Variants in ST18 observed in about 807,000 individuals in gnomAD.
The protein encoded by ST18 is ST18 C2H2C-type zinc finger transcription factor.
In ST18, 50 loss-of-function variants were observed where a neutral mutation model predicts 110.0. The observed-to-expected ratio is 0.45, with a 90% CI of 0.36 to 0.58. The LOEUF (loss-of-function observed/expected upper bound fraction) is 0.58. Among genes scored for constraint, ST18 ranks in the 20% least tolerant of loss-of-function variants. The probability of loss-of-function intolerance (pLI) is 0.00; values close to 1 mark genes in which losing one functional copy is unlikely to be tolerated. For missense variants in ST18, 1,306 were observed against 1,280.1 expected (o/e 1.02, Z -0.31); for synonymous variants, 461 against 452.4 (o/e 1.02, Z -0.24).
intron 2 of ST18, among the ~76,000 whole-genome samples, chr8:52,271,092 G>T (rs2138896662): frequency 6.6e-6 from 1 of 152,138 alleles, no homozygotes; most frequent in African/African-American, 2.4e-5. Flanking sequence ...TAGAGATGGG[G>T]TTTCACTGTG....
At chr8:52,123,656 C>A (rs2045888167) in intron 23 of ST18, among the ~76,000 whole-genome samples, 1 of 152,210 alleles carries the variant, frequency 6.6e-6, no homozygotes, top group South Asian at 2.1e-4. Flanking sequence ...ATGGGTTCAA[C>A]CCAGCTCGCT....
At chr8:52,334,242 G>A (rs1381445250) in intron 2 of ST18, among the ~76,000 whole-genome samples, 1 of 152,078 alleles carries the variant, frequency 6.6e-6, no homozygotes. Flanking sequence ...ATTTAATAAA[G>A]ACATAAATAA....
At chr8:52,268,491 C>CTATT in intron 2 of ST18, among the ~76,000 whole-genome samples, 1 of 148,076 alleles carries the variant, frequency 6.8e-6, no homozygotes, top group Admixed American at 6.7e-5. Context: ...ATCTATCTAT[C>CTATT]TATCTATCTA....
chr8:52,348,133 A>T (rs1446397360), intron 2 of ST18, among the ~76,000 whole-genome samples: 1 of 152,164 alleles, frequency 6.6e-6, no homozygotes, highest in Admixed American at 6.5e-5. Flanking sequence ...GAGATGAAAG[A>T]AGGGGAGGAA....
At chr8:52,240,496 G>A (rs1194947102) in intron 2 of ST18, among the ~76,000 whole-genome samples, 4 of 152,128 alleles carry the variant, frequency 2.6e-5, no homozygotes, top group African/African-American at 7.2e-5. Context: ...GGAAGAAAGA[G>A]ATCCTCTCCT....
intron 5 of ST18, among the ~76,000 whole-genome samples, chr8:52,219,679 T>C (rs2085870337): frequency 6.6e-6 from 1 of 152,022 alleles, no homozygotes; most frequent in African/African-American, 2.4e-5. Flanking sequence ...TTAAGTAGAG[T>C]TTTCTGGGAA....
At chr8:52,135,977 T>C (rs1424658855) in intron 19 of ST18, among the ~76,000 whole-genome samples, 1 of 152,218 alleles carries the variant, frequency 6.6e-6, no homozygotes, top group African/African-American at 2.4e-5. Flanking sequence ...CCCTATCATA[T>C]TTTTAAGGAC....
intron 23 of ST18, among the ~76,000 whole-genome samples, chr8:52,120,790 G>A (rs879750343): frequency 2.0e-5 from 3 of 152,178 alleles, no homozygotes; most frequent in Admixed American, 6.5e-5. Flanking sequence ...GAGCAGAAGC[G>A]AGGAGACCCA....
At chr8:52,197,793 TAC>T (rs1370779690) in intron 8 of ST18, among the ~76,000 whole-genome samples, 5 of 150,576 alleles carry the variant, frequency 3.3e-5, no homozygotes, top group African/African-American at 9.8e-5. Context: ...CTAGCAGAAA[TAC>T]AGACACAGCA....
At chr8:52,143,529 T>C (rs2132127639) in intron 16 of ST18, among the ~76,000 whole-genome samples, 1 of 152,026 alleles carries the variant, frequency 6.6e-6, no homozygotes, top group East Asian at 1.9e-4. Flanking sequence ...TAAGAATATG[T>C]CCTGGTTGTT....
chr8:52,113,163 G>A lies in ST18; in HGVS notation c.*35C>T. 6.2e-7 allele frequency: 1 copy of A among 1,611,390 alleles called. No individual in the cohort carries two copies. The highest frequency in any genetic ancestry group is 1.3e-5 in the African/African-American group (1 of 75,004). Reference sequence around the variant, plus strand: ...ACAGATCCATCTGGAGTTTACTGCTGTTGGTAACTTCTGTTGCCCGGCAGC... The same window carrying A: ...ACAGATCCATCTGGAGTTTACTGCTATTGGTAACTTCTGTTGCCCGGCAGC... On this transcript the variant is annotated 3_prime_UTR_variant, in exon 26 of 26. Coordinates refer to ENST00000689386, the MANE Select transcript of ST18 (RefSeq NM_001352837.2).
chr8:52,384,673 G>A (rs182856032), intron 2 of ST18, among the ~76,000 whole-genome samples: 1 of 152,196 alleles, frequency 6.6e-6, no homozygotes, highest in East Asian at 1.9e-4. Context: ...ATCTTCAATG[G>A]CTAATTTAAG....
chr8:52,122,646 C>A (rs2045409283), intron 23 of ST18, among the ~76,000 whole-genome samples: 1 of 151,948 alleles, frequency 6.6e-6, no homozygotes, highest in Non-Finnish European at 1.5e-5. Flanking sequence ...CCACACTCAG[C>A]TAATGTTTTT....
intron 2 of ST18, among the ~76,000 whole-genome samples, chr8:52,292,220 T>C (rs559069690): frequency 2.6e-5 from 4 of 152,354 alleles, no homozygotes; most frequent in Admixed American, 6.5e-5. Context: ...TGCACAGTGC[T>C]TAAGAACTAC....
At chr8:52,343,503 T>C (rs556042890) in intron 2 of ST18, among the ~76,000 whole-genome samples, 14 of 152,306 alleles carry the variant, frequency 9.2e-5, no homozygotes, top group East Asian at 5.8e-4. Flanking sequence ...CCGTGCTGGC[T>C]TTATAAAAGT....
At chr8:52,358,365 A>G (rs896100473) in intron 2 of ST18, among the ~76,000 whole-genome samples, 1 of 151,962 alleles carries the variant, frequency 6.6e-6, no homozygotes, top group Non-Finnish European at 1.5e-5. Flanking sequence ...GTGGAGTTAA[A>G]TGAAATAGGG....
chr8:52,124,199 A>G (rs1373203159), intron 23 of ST18, among the ~76,000 whole-genome samples: 7 of 151,188 alleles, frequency 4.6e-5, no homozygotes, highest in Admixed American at 4.6e-4. Flanking sequence ...TTTTTGAGAC[A>G]GAGTCTCACT....
At chr8:52,219,965 C>T (rs1038268001) in intron 5 of ST18, among the ~76,000 whole-genome samples, 1 of 152,182 alleles carries the variant, frequency 6.6e-6, no homozygotes, top group African/African-American at 2.4e-5. Context: ...CCAAACGACT[C>T]CAGCAAATAG....
chr8:52,392,723 G>A (rs1839720987), intron 2 of ST18, among the ~76,000 whole-genome samples: 1 of 152,180 alleles, frequency 6.6e-6, no homozygotes, highest in Admixed American at 6.5e-5. Context: ...GAGTTTTCTG[G>A]AGTTAAAACA....
Sources: gnomAD v4.1 joint callset for allele counts (sites outside exome capture counted in the v4.1 genomes callset) on GRCh38, gnomAD v4.1.1 for gene constraint, MANE v1.5 for transcripts, NCBI Gene and HGNC (gene_info 2026-07-23, HGNC 2026-07-21) for gene names.